SLIT2: variants seen among roughly 807,000 people sequenced by gnomAD.
SLIT2 encodes the protein slit guidance ligand 2.
In SLIT2, 41 loss-of-function variants were observed where a neutral mutation model predicts 185.7. The ratio of observed to expected loss-of-function variants is 0.22; its 90% CI spans 0.17 to 0.29. The LOEUF (loss-of-function observed/expected upper bound fraction) is 0.29, where lower values mean the gene tolerates loss of function less well. SLIT2 is among the 10% of genes least tolerant of loss of function. SLIT2 has a pLI of 1.00. For synonymous variants in SLIT2, 693 were observed against 680.2 expected (o/e 1.02, Z -0.29); for missense variants, 1,571 against 1,909.0 (o/e 0.82, Z 3.30).
At chr4:20,561,638 C>T (rs1459377862) in intron 26 of SLIT2, among the ~76,000 whole-genome samples, 1 of 151,406 alleles carries the variant, frequency 6.6e-6, no homozygotes, top group African/African-American at 2.4e-5. Flanking sequence ...AGTTTTGAAG[C>T]ATTATTTAGA....
chr4:20,580,496 C>T (rs10470802), intron 29 of SLIT2, among the ~76,000 whole-genome samples: 1 of 151,540 alleles, frequency 6.6e-6, no homozygotes, highest in African/African-American at 2.4e-5. Context: ...GCAAACTTAC[C>T]ATAAAGCTGA....
At chr4:20,426,254 G>T (rs2109482484) in intron 4 of SLIT2, among the ~76,000 whole-genome samples, 1 of 152,316 alleles carries the variant, frequency 6.6e-6, no homozygotes, top group South Asian at 2.1e-4. Flanking sequence ...GCTGGCAGAT[G>T]AGCACAGAGT....
intron 4 of SLIT2, among the ~76,000 whole-genome samples, chr4:20,282,466 T>G (rs1714866745): frequency 6.6e-6 from 1 of 152,198 alleles, no homozygotes; most frequent in Non-Finnish European, 1.5e-5. Context: ...TTTTTAAAAG[T>G]ATAGTTCTTA....
intron 9 of SLIT2, among the ~76,000 whole-genome samples, chr4:20,500,219 C>T (rs1041945047): frequency 6.6e-6 from 1 of 152,084 alleles, no homozygotes; most frequent in Non-Finnish European, 1.5e-5. Context: ...TTTATTGTTT[C>T]ATTGTGAAAA....
intron 4 of SLIT2, among the ~76,000 whole-genome samples, chr4:20,306,882 C>A (rs1014920640): frequency 6.6e-6 from 1 of 152,092 alleles, no homozygotes; most frequent in Non-Finnish European, 1.5e-5. Flanking sequence ...AGTATCCATG[C>A]ACTTAATTAT....
intron 26 of SLIT2, among the ~76,000 whole-genome samples, chr4:20,559,662 T>C (rs1351264366): frequency 6.6e-6 from 1 of 151,960 alleles, no homozygotes; most frequent in African/African-American, 2.4e-5. Flanking sequence ...CCGCCATTCT[T>C]ATAGTGAAAA....
chr4:20,429,993 A>G (rs1728847079), intron 4 of SLIT2, among the ~76,000 whole-genome samples: 1 of 152,202 alleles, frequency 6.6e-6, no homozygotes, highest in South Asian at 2.1e-4. Context: ...GTGCTTTTTA[A>G]TAAAAACTAA....
intron 4 of SLIT2, among the ~76,000 whole-genome samples, chr4:20,439,080 A>G (rs1729558409): frequency 6.6e-6 from 1 of 152,236 alleles, no homozygotes; most frequent in African/African-American, 2.4e-5. Context: ...GGCGTTGCAC[A>G]TGAAATGTAC....
At chr4:20,403,070 T>C (rs1006291212) in intron 4 of SLIT2, among the ~76,000 whole-genome samples, 1 of 151,902 alleles carries the variant, frequency 6.6e-6, no homozygotes, top group Non-Finnish European at 1.5e-5. Flanking sequence ...ATAGTTGAGC[T>C]TGTGAAAATG....
At chr4:20,341,839 T>A (rs1008945794) in intron 4 of SLIT2, among the ~76,000 whole-genome samples, 3 of 152,230 alleles carry the variant, frequency 2.0e-5, no homozygotes, top group African/African-American at 7.2e-5. Flanking sequence ...TCTTTACTTC[T>A]AATTCTCTAA....
chr4:20,350,355 C>G (rs540852422), intron 4 of SLIT2, among the ~76,000 whole-genome samples: 34 of 151,474 alleles, frequency 2.2e-4, no homozygotes, highest in Non-Finnish European at 4.1e-4. Flanking sequence ...TATATGTAGT[C>G]TGGAACCAGT....
In SLIT2 at chr4:20,254,882, C is replaced by G; in HGVS notation, c.179+888C>G. 6.6e-6 allele frequency: 3 copies of G among 455,642 alleles called. No individual in the cohort carries two copies. Among genetic ancestry groups the G allele is most frequent in the South Asian group, 4.7e-5 (3 of 64,470 alleles). The allele number at this position is 455,642 out of a possible 1,614,324, so 28.2% of individuals were successfully genotyped here. A position where few individuals can be genotyped will look rare whatever the true frequency, so the allele number is the denominator to read the frequency against. ...AGCAGTTCCCCTGCCTTCCCCTCTTCGCGCTCCGTTGCTCGCAGACGTCCC... is the reference window on the plus strand; with the variant it reads ...AGCAGTTCCCCTGCCTTCCCCTCTTGGCGCTCCGTTGCTCGCAGACGTCCC... On this transcript the variant is annotated intron_variant, in intron 1 of 36. Coordinates refer to ENST00000504154, the MANE Select transcript of SLIT2 (RefSeq NM_004787.4). This position sits in a 1 kb window ranked among gnomAD's most constrained non-coding sequence, Gnocchi z 5.1.
chr4:20,356,310 A>G, intron 4 of SLIT2, among the ~76,000 whole-genome samples: 1 of 152,198 alleles, frequency 6.6e-6, no homozygotes, highest in East Asian at 1.9e-4. Context: ...CCCAGGTCAA[A>G]TATCCCAGAA....
chr4:20,302,202 G>T (rs1033928499), intron 4 of SLIT2, among the ~76,000 whole-genome samples: 35 of 152,022 alleles, frequency 2.3e-4, no homozygotes, highest in African/African-American at 8.2e-4. Context: ...TTTATATCAT[G>T]GAATTTGTAT....
intron 4 of SLIT2, among the ~76,000 whole-genome samples, chr4:20,448,513 G>GT (rs1242487237): frequency 6.6e-6 from 1 of 152,090 alleles, no homozygotes; most frequent in East Asian, 1.9e-4. Context: ...TAGAGATGGG[G>GT]TTTTGCCATG....
chr4:20,617,704 A>G, intron 36 of SLIT2, 54 bp downstream of exon 36: 7 of 993,860 alleles, frequency 7.0e-6, no homozygotes, highest in South Asian at 2.9e-5. Flanking sequence ...GAGGGGTCCC[A>G]TGTCTTTGAA....
intron 4 of SLIT2, among the ~76,000 whole-genome samples, chr4:20,333,100 C>T (rs1720203803): frequency 6.6e-6 from 1 of 151,924 alleles, no homozygotes; most frequent in South Asian, 2.1e-4. Context: ...AGAAATTGTC[C>T]TTTTATTTGC....
Position 20,252,242 on chromosome 4 carries a change from C to G in SLIT2, c.-1574C>G, listed in dbSNP as rs940071950. Among the ~76,000 whole-genome samples, 1 of 152,180 alleles carries G rather than the reference C, an allele frequency of 6.6e-6. No homozygotes were observed. Among genetic ancestry groups the G allele is most frequent in the East Asian group, 1.9e-4 (1 of 5,146 alleles). ...GACAACAACCCACCTTCCTTCCAGA[C>G]AAGCGAGACTTGGGCTGCTGCGTCC... On this transcript the variant is annotated 5_prime_UTR_variant, in exon 1 of 37. Transcript: ENST00000504154.
In SLIT2 at chr4:20,251,964, G is replaced by A. The variant is rs879432992; in HGVS notation, c.-1852G>A. On this transcript the variant is annotated 5_prime_UTR_variant, in exon 1 of 37. In the 5' UTR this introduces an upstream ATG that the reference lacks. Coordinates refer to ENST00000504154, the MANE Select transcript of SLIT2 (RefSeq NM_004787.4). Reference sequence around the variant, plus strand: ...GCGGAGCTTGGCGGCGGCGGTGGTGGTGGCTGCCGCAGACTGTGGTTAAAA... The same window carrying A: ...GCGGAGCTTGGCGGCGGCGGTGGTGATGGCTGCCGCAGACTGTGGTTAAAA... Among the ~76,000 whole-genome samples, 7 of 152,124 alleles carry A rather than the reference G, an allele frequency of 4.6e-5. No individual in the cohort carries two copies. Among genetic ancestry groups the A allele is most frequent in the African/African-American group, 7.2e-5 (3 of 41,448 alleles).
Sources: gnomAD v4.1 joint callset for allele counts (sites outside exome capture counted in the v4.1 genomes callset) on GRCh38, gnomAD v4.1.1 for gene constraint, Gnocchi (gnomAD v3.1) non-coding constraint, MANE v1.5 for transcripts, NCBI Gene and HGNC (gene_info 2026-07-23, HGNC 2026-07-21) for gene names.